The following NDRG4 variants were observed in gnomAD, a reference collection of about 807,000 sequenced individuals.
The protein encoded by NDRG4 is NDRG family member 4, also known as protein NDRG4.
NDRG4 carries 38 observed loss-of-function variants against 55.8 expected under a neutral mutation model. The ratio of observed to expected loss-of-function variants is 0.68; its 90% CI spans 0.53 to 0.89. NDRG4 has a LOEUF of 0.89. Ranked by LOEUF, NDRG4 falls within the 40% of genes least tolerant of loss-of-function variation. The pLI, the probability that NDRG4 is intolerant of heterozygous loss-of-function variation, is 0.00. For missense variants in NDRG4, 455 were observed against 468.6 expected (o/e 0.97, Z 0.27); for synonymous variants, 190 against 182.7 (o/e 1.04, Z -0.32).
At chr16:58,501,072 C>T (rs1203284070) in intron 1 of NDRG4, 2 of 1,235,556 alleles carry the variant, frequency 1.6e-6, no homozygotes, top group Non-Finnish European at 2.0e-6. Context: ...CTCGCCGGGG[C>T]ATCAGGTACC....
chr16:58,507,620 C>G, intron 8 of NDRG4, 188 bp from the exon 9 acceptor site: 1 of 598,560 alleles, frequency 1.7e-6, no homozygotes, highest in Non-Finnish European at 2.9e-6. Flanking sequence ...GGATAGAGAG[C>G]AAAATTTGAG....
In NDRG4 at chr16:58,513,197, T is replaced by TGTAC. The variant is rs199863068; in HGVS notation, c.*1621_*1622insGTAC. ...GTGTGTGTGTGTGTGTGTGTGTGTG[T>TGTAC]ACATCGGGTCCTCCCATGTGTGGTG... On this transcript the variant is annotated 3_prime_UTR_variant, in exon 15 of 15. Transcript: ENST00000570248. 1.4e-5 allele frequency: 2 copies of TGTAC among 145,448 alleles called. No individual in the cohort carries two copies. Among genetic ancestry groups the TGTAC allele is most frequent in the African/African-American group, 2.6e-5 (1 of 38,040 alleles). 9.0% of individuals were successfully genotyped at this position (145,448 alleles called of 1,614,324 possible).
In NDRG4 at chr16:58,503,893, G is replaced by A. The variant is rs200025649; in HGVS notation, c.117G>A (p.Val39=). The A allele has an allele frequency of 3.8e-5, 61 of 1,613,564 alleles. No homozygotes were observed. Among genetic ancestry groups the A allele is most frequent in the Non-Finnish European group, 1.2e-5 (14 of 1,179,966 alleles). The change falls in exon 2 of 15, where the codon GTG becomes GTA. Residue 39 remains valine (V), a synonymous_variant. Transcript: ENST00000570248. ...CAGCCATCCTCACCTACCATGATGTGGGCCTCAACCGTAAGTGCAGCCCAG... is the reference window on the plus strand; with the variant it reads ...CAGCCATCCTCACCTACCATGATGTAGGCCTCAACCGTAAGTGCAGCCCAG... The part of the protein sequence containing the change: ...NRPAILTYHD[V]GLNHKLCFNT...
In NDRG4 at chr16:58,513,195, T is replaced by TGTGTGTGTAC. The variant is rs1212071403; in HGVS notation, c.*1621_*1622insGTGTGTACGT. The TGTGTGTGTAC allele has an allele frequency of 6.6e-6, 1 of 150,706 alleles. No individual in the cohort carries two copies. The highest frequency in any genetic ancestry group is 2.4e-5 in the African/African-American group (1 of 41,136). 9.3% of individuals were successfully genotyped at this position (150,706 alleles called of 1,614,324 possible). On this transcript the variant is annotated 3_prime_UTR_variant, in exon 15 of 15. Transcript: ENST00000570248. Reference sequence around the variant, plus strand: ...GTGTGTGTGTGTGTGTGTGTGTGTGTGTACATCGGGTCCTCCCATGTGTGG... The same window carrying TGTGTGTGTAC: ...GTGTGTGTGTGTGTGTGTGTGTGTGTGTGTGTGTACGTACATCGGGTCCTCCCATGTGTGG...
At chr16:58,500,903 G>A in intron 1 of NDRG4, 1 of 918,078 alleles carries the variant, frequency 1.1e-6, no homozygotes, top group Non-Finnish European at 1.4e-6. Flanking sequence ...AGGAGGTCTG[G>A]GCCACACAGG....
chr16:58,497,147 C>A (rs2151748779), upstream of NDRG4: 1 of 152,230 alleles, frequency 6.6e-6, no homozygotes, highest in Middle Eastern at 3.4e-3. Flanking sequence ...TATAGTGAAA[C>A]CCCATCTCTA....
rs543181285 is a variant in NDRG4 at position 58,470,934 on chromosome 16, A to G, written c.-24+7137A>G. Among the ~76,000 whole-genome samples, 13 of 149,790 alleles carry G rather than the reference A, an allele frequency of 8.7e-5. No homozygotes were observed. In the East Asian group the frequency reaches 2.5e-3, roughly 29 times the overall value. On this transcript the variant is annotated intron_variant, in intron 1 of 15. Transcript: ENST00000258187. The stretch of plus-strand genomic sequence containing the variant: ...AAAAAAAAAAAAAAAAAAAGAGGGA[A>G]GCAGGGGATATTCAAAAACAGAAGA...
At chr16:58,500,521 G>T (rs2036947442) in intron 1 of NDRG4, 9 of 456,016 alleles carry the variant, frequency 2.0e-5, no homozygotes, top group Non-Finnish European at 3.2e-5. Context: ...TGGTTGGGGG[G>T]TGGGTGACAT....
intron 1 of NDRG4, among the ~76,000 whole-genome samples, chr16:58,484,665 G>A (rs2034861632): frequency 6.6e-6 from 1 of 152,186 alleles, no homozygotes; most frequent in Non-Finnish European, 1.5e-5. Context: ...TGCACCAGGA[G>A]CTGGGCAGGG....
chr16:58,505,091 T>C (rs1410143391), intron 5 of NDRG4, among the ~76,000 whole-genome samples: 3 of 152,222 alleles, frequency 2.0e-5, no homozygotes, highest in Non-Finnish European at 4.4e-5. Flanking sequence ...GGCTCACACC[T>C]GTAATCCCAG....
Position 58,494,843 on chromosome 16 carries a change from A to AAG in NDRG4, c.73-120_73-119insGA, listed in dbSNP as rs1555532886. On this transcript the variant is annotated intron_variant, in intron 2 of 15. Transcript: ENST00000258187. ...TGAGACCCTGTCTCTAAAAAAAAAA[A>AAG]AAAAGAAAAGAAAAGAGAAAAGACA... 9.9e-5 allele frequency: 81 copies of AAG among 815,472 alleles called. 1 individual carries two copies. Among genetic ancestry groups the AAG allele is most frequent in the East Asian group, 4.6e-4 (17 of 37,264 alleles). The allele number at this position is 815,472 out of a possible 1,614,324, so 50.5% of individuals were successfully genotyped here.
At chr16:58,499,945 G>T, upstream of NDRG4, 2 of 535,260 alleles carry the variant, frequency 3.7e-6, no homozygotes, top group Non-Finnish European at 6.5e-6. Context: ...ATGTGTGGCT[G>T]GGGTGGGAGG....
At chr16:58,511,199 G>A in intron 14 of NDRG4, 2 of 576,706 alleles carry the variant, frequency 3.5e-6, no homozygotes, top group Non-Finnish European at 6.2e-6. Flanking sequence ...ACCAGCTCAG[G>A]GCTGCCTGGT....
chr16:58,507,076 G>GC, intron 8 of NDRG4, 61 bp downstream of exon 8: 1 of 1,314,382 alleles, frequency 7.6e-7, no homozygotes, highest in Non-Finnish European at 1.1e-6. Context: ...CTTGCACACT[G>GC]CCCCCTGAGG....
intron 2 of NDRG4, among the ~76,000 whole-genome samples, chr16:58,491,455 C>CTT (rs111544881): frequency 0.039 from 5,748 of 146,670 alleles, 325 homozygotes; most frequent in African/African-American, 0.13. Flanking sequence ...ATCCTTTTCA[C>CTT]TTTTTTTTTT....
At chr16:58,471,411 C>T (rs574693157) in intron 1 of NDRG4, among the ~76,000 whole-genome samples, 4 of 152,006 alleles carry the variant, frequency 2.6e-5, no homozygotes, top group Non-Finnish European at 5.9e-5. Flanking sequence ...CTGCCAGCCT[C>T]GTTCTGATCA....
intron 2 of NDRG4, among the ~76,000 whole-genome samples, chr16:58,492,561 A>C (rs1324179697): frequency 7.1e-6 from 1 of 140,406 alleles, no homozygotes; most frequent in Non-Finnish European, 1.5e-5. Flanking sequence ...TGAGAGACAG[A>C]CAGACAGTCT....
intron 1 of NDRG4, among the ~76,000 whole-genome samples, chr16:58,471,537 G>A (rs1037937697): frequency 2.0e-5 from 3 of 152,106 alleles, no homozygotes; most frequent in Admixed American, 1.3e-4. Context: ...ACAAACCTAA[G>A]TGGGATGAGC....
chr16:58,466,200 AG>A (rs2031641773), intron 1 of NDRG4, among the ~76,000 whole-genome samples: 1 of 152,202 alleles, frequency 6.6e-6, no homozygotes, highest in South Asian at 2.1e-4. Context: ...TATTCTTAGT[AG>A]AGATGGGTTT....
Sources: allele counts gnomAD v4.1 joint callset (sites outside exome capture counted in the v4.1 genomes callset), GRCh38; gene constraint gnomAD v4.1.1; transcripts MANE v1.5; gene names NCBI Gene and HGNC (gene_info 2026-07-23, HGNC 2026-07-21).